The following IL1RAPL1 variants were observed in gnomAD, a reference collection of about 807,000 sequenced individuals.
IL1RAPL1 encodes the protein interleukin-1 receptor accessory protein-like 1.
IL1RAPL1 carries 3 observed loss-of-function variants against 48.4 expected under a neutral mutation model. The observed-to-expected ratio is 0.06, with a 90% CI of 0.03 to 0.16. IL1RAPL1 has a LOEUF of 0.16. Ranked by LOEUF, IL1RAPL1 falls within the 10% of genes least tolerant of loss-of-function variation. The probability of loss-of-function intolerance (pLI) is 1.00; values close to 1 mark genes in which losing one functional copy is unlikely to be tolerated. For missense variants in IL1RAPL1, 349 were observed against 530.6 expected (o/e 0.66, Z 3.36); for synonymous variants, 185 against 187.7 (o/e 0.99, Z 0.12).
chrX:29,781,498 G>A (rs1463149838), intron 6 of IL1RAPL1, among the ~76,000 whole-genome samples: 1 of 111,974 alleles, frequency 8.9e-6, no homozygotes, highest in Non-Finnish European at 1.9e-5. Flanking sequence ...CAGTTGAACA[G>A]TGGTAACTTT....
intron 2 of IL1RAPL1, among the ~76,000 whole-genome samples, chrX:28,886,551 C>A (rs1035319877): frequency 9.1e-6 from 1 of 109,515 alleles, no homozygotes; most frequent in African/African-American, 3.3e-5. Context: ...GGAAAATGTC[C>A]TTAAGTATAC....
chrX:28,844,532 T>C (rs12557060), intron 2 of IL1RAPL1, among the ~76,000 whole-genome samples: 45,305 of 108,358 alleles, frequency 0.42, 7,433 homozygotes, highest in Middle Eastern at 0.61. Flanking sequence ...TCCCCTAATC[T>C]TGGCTAGGTT....
At chrX:29,190,109 A>G (rs899042089) in intron 2 of IL1RAPL1, among the ~76,000 whole-genome samples, 7 of 111,887 alleles carry the variant, frequency 6.3e-5, no homozygotes, top group Admixed American at 1.9e-4. Context: ...ACCTTACAGT[A>G]TCATTGTAGG....
At chrX:29,595,737 A>G (rs1923525112) in intron 5 of IL1RAPL1, among the ~76,000 whole-genome samples, 1 of 111,827 alleles carries the variant, frequency 8.9e-6, no homozygotes, top group Non-Finnish European at 1.9e-5. Flanking sequence ...CTTTTTACTT[A>G]AATTAAGTCC....
chrX:29,816,370 C>T (rs867277693), intron 6 of IL1RAPL1, among the ~76,000 whole-genome samples: 3 of 110,515 alleles, frequency 2.7e-5, no homozygotes, highest in South Asian at 7.6e-4. Flanking sequence ...AAGATTGAAC[C>T]AGGAAGAAAT....
At chrX:29,119,113 T>C (rs1195300807) in intron 2 of IL1RAPL1, among the ~76,000 whole-genome samples, 1 of 111,196 alleles carries the variant, frequency 9.0e-6, no homozygotes, top group African/African-American at 3.3e-5. Flanking sequence ...CTCATAAATA[T>C]ATGTAAATAT....
intron 8 of IL1RAPL1, among the ~76,000 whole-genome samples, chrX:29,927,149 C>T (rs941530009): frequency 2.7e-5 from 3 of 112,056 alleles, no homozygotes; most frequent in African/African-American, 9.7e-5. Context: ...ATTCATTAGC[C>T]TGGGGTAGGA....
At chrX:29,265,114 T>C (rs763939339) in intron 2 of IL1RAPL1, among the ~76,000 whole-genome samples, 4 of 110,771 alleles carry the variant, frequency 3.6e-5, no homozygotes, top group African/African-American at 1.3e-4. Context: ...AATTTCACCA[T>C]GTTGGTCAGG....
At chrX:28,891,654 C>T (rs1922772937) in intron 2 of IL1RAPL1, among the ~76,000 whole-genome samples, 1 of 112,452 alleles carries the variant, frequency 8.9e-6, no homozygotes, top group South Asian at 3.7e-4. Context: ...GGATGCAGCA[C>T]ATTTTATTTA....
chrX:29,812,407 T>C (rs1157226904), intron 6 of IL1RAPL1, among the ~76,000 whole-genome samples: 1 of 111,855 alleles, frequency 8.9e-6, no homozygotes, highest in Non-Finnish European at 1.9e-5. Context: ...TCCCAAATAA[T>C]TTTCCTTTTA....
intron 2 of IL1RAPL1, among the ~76,000 whole-genome samples, chrX:29,280,007 G>C (rs1932176045): frequency 9.0e-6 from 1 of 111,586 alleles, no homozygotes; most frequent in Admixed American, 9.5e-5. Flanking sequence ...AGGTATTTCA[G>C]CCTTTTTCAC....
At chrX:29,052,682 T>A (rs1370327395) in intron 2 of IL1RAPL1, among the ~76,000 whole-genome samples, 3 of 108,800 alleles carry the variant, frequency 2.8e-5, no homozygotes, top group Non-Finnish European at 5.7e-5. Flanking sequence ...TTTAAAAAAA[T>A]TTTTTTTGAG....
At chrX:29,914,686 TAC>T (rs1413879833) in intron 6 of IL1RAPL1, among the ~76,000 whole-genome samples, 1 of 3,116 alleles carries the variant, frequency 3.2e-4, no homozygotes, top group Non-Finnish European at 4.5e-4. Flanking sequence ...ATAGTCCTGG[TAC>T]AAAAAAAAAC....
At chrX:29,024,477 C>G (rs1452658396) in intron 2 of IL1RAPL1, among the ~76,000 whole-genome samples, 2 of 111,629 alleles carry the variant, frequency 1.8e-5, no homozygotes, top group Non-Finnish European at 3.8e-5. Flanking sequence ...TGATGTTAGG[C>G]AAGTTACTTA....
intron 6 of IL1RAPL1, among the ~76,000 whole-genome samples, chrX:29,695,594 T>C (rs1474895488): frequency 4.3e-5 from 3 of 70,239 alleles, no homozygotes; most frequent in African/African-American, 2.2e-4. Context: ...GCTTGCAAGG[T>C]GGCGAGAGAG....
intron 3 of IL1RAPL1, among the ~76,000 whole-genome samples, chrX:29,365,947 A>G (rs1181406427): frequency 9.4e-6 from 1 of 106,701 alleles, no homozygotes; most frequent in Non-Finnish European, 1.9e-5. Context: ...AGGCTGAGGC[A>G]GGAGAATTGC....
intron 2 of IL1RAPL1, among the ~76,000 whole-genome samples, chrX:29,108,267 A>T (rs754230306): frequency 1.8e-5 from 2 of 111,895 alleles, no homozygotes; most frequent in African/African-American, 6.5e-5. Flanking sequence ...GTAGTTGTAG[A>T]TAGTTCATTC....
intron 2 of IL1RAPL1, among the ~76,000 whole-genome samples, chrX:28,875,338 GTGC>G (rs1922341053): frequency 8.9e-6 from 1 of 112,109 alleles, no homozygotes; most frequent in Admixed American, 9.5e-5. Flanking sequence ...GATATATGTT[GTGC>G]TTCTGATGAC....
intron 6 of IL1RAPL1, among the ~76,000 whole-genome samples, chrX:29,674,747 G>T (rs940543997): frequency 4.5e-5 from 5 of 110,903 alleles, no homozygotes; most frequent in Admixed American, 9.6e-5. Flanking sequence ...AGGCCCCAGT[G>T]TGTGTTGTTC....
Sources: gnomAD v4.1 joint callset for allele counts (sites outside exome capture counted in the v4.1 genomes callset) on GRCh38, gnomAD v4.1.1 for gene constraint, MANE v1.5 for transcripts, NCBI Gene and HGNC (gene_info 2026-07-23, HGNC 2026-07-21) for gene names.